The following GTF3C4 variants were observed in gnomAD, a reference collection of about 807,000 sequenced individuals.
GTF3C4 encodes the protein general transcription factor 3C polypeptide 4.
GTF3C4 carries 28 observed loss-of-function variants against 67.5 expected under a neutral mutation model. The ratio of observed to expected loss-of-function variants is 0.41; its 90% CI spans 0.31 to 0.57. The LOEUF is 0.57. Ranked by LOEUF, GTF3C4 falls within the 20% of genes least tolerant of loss-of-function variation. GTF3C4 has a pLI of 0.21. For missense variants in GTF3C4, 831 were observed against 1,033.2 expected (o/e 0.80, Z 2.68); for synonymous variants, 409 against 393.0 (o/e 1.04, Z -0.48).
At chr9:132,673,620 C>A (rs914774951) in intron 1 of GTF3C4, among the ~76,000 whole-genome samples, 8 of 152,212 alleles carry the variant, frequency 5.3e-5, no homozygotes, top group Non-Finnish European at 1.0e-4. Flanking sequence ...GGATTTAAAT[C>A]TGCTCGGTGC....
Position 132,679,067 on chromosome 9 carries a change from G to A in GTF3C4, c.1448G>A (p.Ser483Asn). 1.2e-6 allele frequency: 2 copies of A among 1,614,176 alleles called. No homozygotes were observed. The highest frequency in any genetic ancestry group is 1.7e-6 in the Non-Finnish European group (2 of 1,180,040). ...GTGAGGACTCACGGGATAGCAGTGAGCCCCTGCGGTGCATACCTGGCCATC... is the reference window on the plus strand; with the variant it reads ...GTGAGGACTCACGGGATAGCAGTGAACCCCTGCGGTGCATACCTGGCCATC... Reference protein sequence around the residue: ...GSVRTHGIAVSPCGAYLAIIT... With the variant: ...GSVRTHGIAVNPCGAYLAIIT... Residue 483 changes from serine (S) to asparagine (N), a missense_variant, in exon 2 of 5, where the codon AGC (serine) becomes AAC (asparagine). By Grantham distance (46) the Ser-to-Asn change is conservative (BLOSUM62 1). Around this residue, in one of 4 missense-constraint regions of GTF3C4, gnomAD observed 390 missense variants for 540.3 expected, o/e 0.72. Coordinates refer to ENST00000372146, the MANE Select transcript of GTF3C4 (RefSeq NM_012204.4). The surrounding 1 kb of genome is among the most constrained non-coding windows in gnomAD (Gnocchi z 5.9).
In GTF3C4 at chr9:132,670,560, T is replaced by C. The variant is rs891223754; in HGVS notation, c.-39T>C. 9.6e-6 allele frequency: 13 copies of C among 1,357,792 alleles called. No homozygotes were observed. In the African/African-American group the frequency reaches 1.1e-4, roughly 11 times the overall value. 84.1% of individuals were successfully genotyped at this position (1,357,792 alleles called of 1,614,324 possible). ...TCCGGGAGGTGGTCGCGCGACTGCG[T>C]GGAGCGCCAGGGCGTCCGACCTCTG... On this transcript the variant is annotated 5_prime_UTR_variant, in exon 1 of 5. Coordinates refer to ENST00000372146, the MANE Select transcript of GTF3C4 (RefSeq NM_012204.4).
rs1836074981 is a variant in GTF3C4 at position 132,689,120 on chromosome 9, A to G, written c.*175A>G. On this transcript the variant is annotated 3_prime_UTR_variant, in exon 5 of 5. Coordinates refer to ENST00000372146, the MANE Select transcript of GTF3C4 (RefSeq NM_012204.4). The stretch of plus-strand genomic sequence containing the variant: ...TTTCTGAATCGCACTCTCCATTTCC[A>G]GAGACTAAAGGATGTCCTTTGAAAT... 1.7e-6 allele frequency: 1 copy of G among 602,826 alleles called. No individual in the cohort carries two copies. The highest frequency in any genetic ancestry group is 3.0e-6 in the Non-Finnish European group (1 of 336,642). 37.3% of individuals were successfully genotyped at this position (602,826 alleles called of 1,614,324 possible).
chr9:132,675,408 A>G (rs867275121), intron 1 of GTF3C4, among the ~76,000 whole-genome samples: 5 of 152,202 alleles, frequency 3.3e-5, no homozygotes, highest in Non-Finnish European at 5.9e-5. Flanking sequence ...TTTTCAGTCT[A>G]TGATTCTCCA....
Position 132,670,927 on chromosome 9 carries a change from C to G in GTF3C4, c.329C>G (p.Pro110Arg). 6.2e-7 allele frequency: 1 copy of G among 1,611,238 alleles called. No individual in the cohort carries two copies. The highest frequency in any genetic ancestry group is 8.5e-7 in the Non-Finnish European group (1 of 1,178,738). Residue 110 changes from proline to arginine, a missense_variant, in exon 1 of 5, where the codon CCC (proline) becomes CGC (arginine). This residue lies in a region of GTF3C4 where 237 missense variants were observed against 212.7 expected (regional missense o/e 1.11). Coordinates refer to ENST00000372146, the MANE Select transcript of GTF3C4 (RefSeq NM_012204.4). Reference sequence around the variant, plus strand: ...CTGGTTATCCACCGCACCTCGGTGCCCGCACCGCTCAACAGCTGTCTCCTC... The same window carrying G: ...CTGGTTATCCACCGCACCTCGGTGCGCGCACCGCTCAACAGCTGTCTCCTC... The part of the protein sequence containing the change: ...QDLVIHRTSV[P>R]APLNSCLLKV...
At position 132,683,655 on chromosome 9, in the gene GTF3C4, CAA is replaced by C; in HGVS notation, c.2279_2280del (p.Lys760ThrfsTer26). On this transcript the variant is annotated frameshift_variant, in exon 3 of 5. Transcript: ENST00000372146. LOFTEE classifies it high-confidence loss of function. ...AAGAGATCTTGCCATTCACAGATCG[CAA>C]ACAGGCAGTCTGTTCCAATGGCCAC... ...CKEILPFTDR[K>X]QAVCSNGHIW... 6.2e-7 allele frequency: 1 copy of C among 1,613,084 alleles called. No homozygotes were observed. The highest frequency in any genetic ancestry group is 8.5e-7 in the Non-Finnish European group (1 of 1,179,766).
intron 2 of GTF3C4, among the ~76,000 whole-genome samples, chr9:132,680,264 T>G (rs1406717045): frequency 6.6e-6 from 1 of 152,220 alleles, no homozygotes; most frequent in Non-Finnish European, 1.5e-5. Context: ...AACAAATTAT[T>G]ACTCATGTCT....
chr9:132,688,793 C>A (rs1196927949), intron 4 of GTF3C4, 88 bp from the exon 5 acceptor site: 2 of 932,702 alleles, frequency 2.1e-6, no homozygotes, highest in African/African-American at 1.6e-5. Context: ...CCAGAATGCC[C>A]GTCTCTCAAC....
At position 132,693,689 on chromosome 9, in the gene GTF3C4, G is replaced by C. The variant is rs1435477386; in HGVS notation, c.*4744G>C. ...CTGTAAAATGGTCAAATTGGATAAT[G>C]TAAGAGATAATGATGGCTTTGAGGC... On this transcript the variant is annotated 3_prime_UTR_variant, in exon 5 of 5. Coordinates refer to ENST00000372146, the MANE Select transcript of GTF3C4 (RefSeq NM_012204.4). 2 of 152,032 alleles carry C rather than the reference G, an allele frequency of 1.3e-5. No individual in the cohort carries two copies. The highest frequency in any genetic ancestry group is 2.9e-5 in the Non-Finnish European group (2 of 67,992). The allele number at this position is 152,032 out of a possible 1,614,324, so 9.4% of individuals were successfully genotyped here. A position where few individuals can be genotyped will look rare whatever the true frequency, so the allele number is the denominator to read the frequency against.
At position 132,688,885 on chromosome 9, in the gene GTF3C4, C is replaced by G; in HGVS notation, c.2409C>G (p.Pro803=). The G allele has an allele frequency of 6.2e-7, 1 of 1,610,940 alleles. No individual in the cohort carries two copies. The highest frequency in any genetic ancestry group is 1.1e-5 in the South Asian group (1 of 90,998). ...SIARHPAPED[P]DWIKRLLQSP... is the part of the protein sequence containing the mutation. ...CCACTTGTCCTCCTTTTGCAGATCC[C>G]GACTGGATTAAGAGGTTACTGCAAA... The change falls in exon 5 of 5, where the codon CCC becomes CCG. Residue 803 remains proline, a synonymous_variant. Coordinates refer to ENST00000372146, the MANE Select transcript of GTF3C4 (RefSeq NM_012204.4).
chr9:132,675,220 T>C (rs529392067), intron 1 of GTF3C4, among the ~76,000 whole-genome samples: 1 of 152,262 alleles, frequency 6.6e-6, no homozygotes, highest in East Asian at 1.9e-4. Context: ...ACAGAGCTGG[T>C]ATGTAGCAGA....
intron 1 of GTF3C4, among the ~76,000 whole-genome samples, chr9:132,675,895 C>CTTTTTTTTTTTTTT (rs72145516): frequency 1.1e-5 from 1 of 89,034 alleles, no homozygotes; most frequent in Non-Finnish European, 2.0e-5. Context: ...TCCAGTTACC[C>CTTTTTTTTTTTTTT]TTTTTTTTTT....
At chr9:132,670,113 A>G (rs1554774948), upstream of GTF3C4, 2 of 1,577,654 alleles carry the variant, frequency 1.3e-6, no homozygotes, top group East Asian at 2.3e-5. Flanking sequence ...GCGGGTAGGG[A>G]CAAGACTACC....
rs768973828 is a variant in GTF3C4 at position 132,688,869 on chromosome 9, C to T, written c.2405-12C>T. The T allele has an allele frequency of 1.2e-6, 2 of 1,602,646 alleles. No homozygotes were observed. The highest frequency in any genetic ancestry group is 1.7e-5 in the Admixed American group (1 of 60,002). On this transcript the variant is annotated splice_polypyrimidine_tract_variant and intron_variant, in intron 4 of 4. Coordinates refer to ENST00000372146, the MANE Select transcript of GTF3C4 (RefSeq NM_012204.4). ...AAGCTAACAGTTGATACCACTTGTC[C>T]TCCTTTTGCAGATCCCGACTGGATT...
chr9:132,671,280 CT>C (rs1835748845), intron 1 of GTF3C4, among the ~76,000 whole-genome samples: 2 of 152,286 alleles, frequency 1.3e-5, no homozygotes, highest in East Asian at 3.9e-4. Context: ...CTCGATGGTG[CT>C]TTCTGAGACT....
intron 1 of GTF3C4, among the ~76,000 whole-genome samples, chr9:132,675,720 C>T: frequency 6.6e-6 from 1 of 152,038 alleles, no homozygotes; most frequent in East Asian, 1.9e-4. Context: ...GGCCATAGAA[C>T]TATTTTTCAA....
In GTF3C4 at chr9:132,692,174, G is replaced by C. The variant is rs931492897; in HGVS notation, c.*3229G>C. On this transcript the variant is annotated 3_prime_UTR_variant, in exon 5 of 5. Transcript: ENST00000372146. ...CTCTCTCTTGCCTTTCCTTCCCCCA[G>C]ACACCCTCTTGGTTTCCATTCCTTT... 1.3e-5 allele frequency: 2 copies of C among 152,102 alleles called. No homozygotes were observed. Among genetic ancestry groups the C allele is most frequent in the African/African-American group, 2.4e-5 (1 of 41,388 alleles). 9.4% of individuals were successfully genotyped at this position (152,102 alleles called of 1,614,324 possible).
intron 1 of GTF3C4, among the ~76,000 whole-genome samples, chr9:132,672,693 A>G (rs1410127660): frequency 6.6e-6 from 1 of 152,230 alleles, no homozygotes; most frequent in Non-Finnish European, 1.5e-5. Flanking sequence ...GCTGTGGTTC[A>G]GGAACATTAC....
intron 2 of GTF3C4, among the ~76,000 whole-genome samples, chr9:132,681,207 G>A (rs910531047): frequency 6.6e-6 from 1 of 152,234 alleles, no homozygotes; most frequent in African/African-American, 2.4e-5. Flanking sequence ...TATTATAAGA[G>A]TCAGTGAAAA....
Sources: gnomAD v4.1 joint callset for allele counts (sites outside exome capture counted in the v4.1 genomes callset) on GRCh38, gnomAD v4.1.1 for gene constraint, gnomAD v4.1.1 regional missense constraint, Gnocchi (gnomAD v3.1) non-coding constraint, MANE v1.5 for transcripts, NCBI Gene and HGNC (gene_info 2026-07-23, HGNC 2026-07-21) for gene names.